Variants in MAF observed in about 807,000 individuals in gnomAD.
MAF encodes transcription factor Maf.
Under a neutral mutation model 22.0 loss-of-function variants are expected in MAF, and 10 were observed. That is an observed-to-expected ratio of 0.45 (90% CI 0.28 to 0.77). The LOEUF is 0.77. Ranked by LOEUF, MAF falls within the 30% of genes least tolerant of loss-of-function variation. The pLI is 0.12. For missense variants in MAF, 544 were observed against 548.4 expected, an observed-to-expected ratio of 0.99 and a Z score of 0.08; for synonymous variants, 337 against 255.8, an observed-to-expected ratio of 1.32 and a Z score of -3.03.
the MAF span, among the ~76,000 whole-genome samples, chr16:79,410,219 G>T: frequency 6.6e-6 from 1 of 152,146 alleles, no homozygotes; most frequent in Non-Finnish European, 1.5e-5. Flanking sequence ...CCCTTTTTTT[G>T]TCTATAAATC....
At position 79,588,485 on chromosome 16, in the gene MAF, A is replaced by G. The variant is rs544279441; in HGVS notation, c.1119-2544T>C. 4.6e-5 allele frequency among the ~76,000 whole-genome samples: 7 copies of G among 151,730 alleles called. No individual in the cohort carries two copies. In the East Asian group the frequency reaches 1.4e-3, roughly 29 times the overall value. On this transcript the variant is annotated intron_variant, in intron 1 of 1. Coordinates refer to the MAF transcript ENST00000569649. ...AGTCTTGCTGTTTTGCCCAGGCTTG[A>G]GTGCAGTGGCGCAATCTGGGCTTAC...
downstream of MAF, among the ~76,000 whole-genome samples, chr16:79,589,134 TAAGTA>T (rs1298526703): frequency 2.6e-5 from 4 of 152,106 alleles, no homozygotes; most frequent in Non-Finnish European, 5.9e-5. Flanking sequence ...TTGCCTAACT[TAAGTA>T]TTCTCACAAA....
chr16:79,496,082 A>G, the MAF span, among the ~76,000 whole-genome samples: 1 of 152,204 alleles, frequency 6.6e-6, no homozygotes, highest in African/African-American at 2.4e-5. Context: ...GGAGTTAGCT[A>G]AGCTATGCCC....
intron 1 of MAF, among the ~76,000 whole-genome samples, chr16:79,586,694 G>A (rs1567557357): frequency 1.3e-5 from 2 of 152,158 alleles, no homozygotes; most frequent in Admixed American, 6.5e-5. Context: ...AATGTAAGTG[G>A]CAAAATAATT....
chr16:79,408,526 A>T, the MAF span, among the ~76,000 whole-genome samples: 11 of 152,082 alleles, frequency 7.2e-5, no homozygotes, highest in African/African-American at 2.7e-4. Flanking sequence ...TAAGTTGCTT[A>T]AGTTCGCTGC....
the MAF span, among the ~76,000 whole-genome samples, chr16:79,573,098 T>C: frequency 6.6e-6 from 1 of 152,370 alleles, no homozygotes; most frequent in Admixed American, 6.5e-5. Flanking sequence ...TCCATTCTTC[T>C]CTGGACATTT....
the MAF span, among the ~76,000 whole-genome samples, chr16:79,567,912 G>C: frequency 4.3e-3 from 648 of 152,324 alleles, 6 homozygotes; most frequent in African/African-American, 0.015. Flanking sequence ...AGAGCTGAAA[G>C]TTAAGCTTAA....
At chr16:79,404,564 C>T in the MAF span, among the ~76,000 whole-genome samples, 2 of 152,106 alleles carry the variant, frequency 1.3e-5, no homozygotes, top group Non-Finnish European at 2.9e-5. Flanking sequence ...CTTTACTTAC[C>T]GCATGGGGTG....
the MAF span, among the ~76,000 whole-genome samples, chr16:79,345,618 C>A: frequency 4.0e-5 from 6 of 148,584 alleles, no homozygotes; most frequent in African/African-American, 1.5e-4. Context: ...ATCCCAGCTA[C>A]TCAGGAGGCT....
At chr16:79,283,504 G>A in the MAF span, among the ~76,000 whole-genome samples, 2 of 152,114 alleles carry the variant, frequency 1.3e-5, no homozygotes, top group African/African-American at 2.4e-5. Context: ...TACATCCAAC[G>A]CCTTTAGGTC....
chr16:79,321,063 C>G, the MAF span, among the ~76,000 whole-genome samples: 138,743 of 152,238 alleles, frequency 0.91, 63,606 homozygotes, highest in Non-Finnish European at 0.96. Flanking sequence ...CTTGGTAGCC[C>G]TTATTAGGGT....
At chr16:79,236,620 T>C in the MAF span, among the ~76,000 whole-genome samples, 1 of 151,974 alleles carries the variant, frequency 6.6e-6, no homozygotes, top group Non-Finnish European at 1.5e-5. Context: ...TGTGAAGAAA[T>C]TAGGGAATAC....
the MAF span, among the ~76,000 whole-genome samples, chr16:79,502,746 T>C: frequency 2.8e-5 from 3 of 107,056 alleles, 1 homozygote; most frequent in African/African-American, 8.3e-5. Context: ...TATATATATA[T>C]ATATATATAA....
At chr16:79,401,898 C>T in the MAF span, among the ~76,000 whole-genome samples, 42 of 152,212 alleles carry the variant, frequency 2.8e-4, no homozygotes, top group Middle Eastern at 0.014. Flanking sequence ...CCAGGCCTGC[C>T]GCATGCCCCT....
the MAF span, among the ~76,000 whole-genome samples, chr16:79,410,726 A>G: frequency 6.6e-6 from 1 of 152,226 alleles, no homozygotes; most frequent in Non-Finnish European, 1.5e-5. Flanking sequence ...AGCTGCTCAT[A>G]TAAGGTTAAA....
the MAF span, among the ~76,000 whole-genome samples, chr16:79,322,658 G>A: frequency 6.6e-6 from 1 of 152,120 alleles, no homozygotes; most frequent in East Asian, 1.9e-4. Context: ...ATGGTGCTAA[G>A]GTCGACACAC....
At chr16:79,531,010 C>T in the MAF span, among the ~76,000 whole-genome samples, 1 of 152,218 alleles carries the variant, frequency 6.6e-6, no homozygotes, top group Non-Finnish European at 1.5e-5. Context: ...CAGTAAGTTT[C>T]TGGGTAATGT....
intron 1 of MAF, chr16:79,596,422 C>T: frequency 9.5e-7 from 1 of 1,057,208 alleles, no homozygotes; most frequent in African/African-American, 1.6e-5. Context: ...GCATTTTACA[C>T]TTTTAACGAG....
the MAF span, among the ~76,000 whole-genome samples, chr16:79,334,323 G>T: frequency 6.6e-6 from 1 of 152,148 alleles, no homozygotes; most frequent in Non-Finnish European, 1.5e-5. Context: ...AGACCCTGCA[G>T]CGCACCAGGA....
Sources: gnomAD v4.1 joint callset for allele counts (sites outside exome capture counted in the v4.1 genomes callset) on GRCh38, gnomAD v4.1.1 for gene constraint, MANE v1.5 for transcripts, NCBI Gene and HGNC (gene_info 2026-07-23, HGNC 2026-07-21) for gene names.